The following SEC14L1 variants were observed in gnomAD, a reference collection of about 807,000 sequenced individuals.
SEC14L1 encodes the protein SEC14 like lipid binding 1.
A neutral mutation model predicts 85.3 loss-of-function variants in SEC14L1; 48 were observed. The ratio of observed to expected loss-of-function variants is 0.56; its 90% CI spans 0.45 to 0.72. The LOEUF (loss-of-function observed/expected upper bound fraction) is 0.72. Ranked by LOEUF, SEC14L1 falls within the 30% of genes least tolerant of loss-of-function variation. SEC14L1 has a pLI of 0.00. For missense variants in SEC14L1, 682 were observed against 921.4 expected (o/e 0.74, Z 3.36); for synonymous variants, 391 against 355.5 (o/e 1.10, Z -1.12).
chr17:77,155,521 T>C (rs544693178), intron 3 of SEC14L1, among the ~76,000 whole-genome samples: 21 of 152,276 alleles, frequency 1.4e-4, no homozygotes, highest in Middle Eastern at 3.4e-3. Flanking sequence ...CTGGCAGAGA[T>C]GTCTCCTGGA....
chr17:77,161,487 T>A (rs1465501522), intron 3 of SEC14L1, among the ~76,000 whole-genome samples: 1 of 152,008 alleles, frequency 6.6e-6, no homozygotes, highest in East Asian at 1.9e-4. Flanking sequence ...AATAAAATGA[T>A]ACTCTATCTC....
At chr17:77,093,744 C>T (rs1971572830) in intron 3 of SEC14L1, 1 of 152,210 alleles carries the variant, frequency 6.6e-6, no homozygotes, top group Non-Finnish European at 1.5e-5. Context: ...CTGAAGATGA[C>T]CATGCCTCCC....
At chr17:77,149,669 A>C (rs1973469594) in intron 3 of SEC14L1, among the ~76,000 whole-genome samples, 2 of 152,200 alleles carry the variant, frequency 1.3e-5, no homozygotes. Flanking sequence ...ACTGTACTCC[A>C]GCCTGGGTTA....
At chr17:77,181,378 C>T (rs1186356199) in intron 3 of SEC14L1, among the ~76,000 whole-genome samples, 1 of 152,174 alleles carries the variant, frequency 6.6e-6, no homozygotes, top group Admixed American at 6.5e-5. Context: ...CACCTTCTTT[C>T]TCAGTCTTCT....
intron 3 of SEC14L1, among the ~76,000 whole-genome samples, chr17:77,150,651 G>A (rs1020966409): frequency 2.0e-5 from 3 of 152,196 alleles, no homozygotes; most frequent in East Asian, 1.9e-4. Context: ...CGAAATGCCC[G>A]AGGGAGAACA....
rs1022573578 is a variant in SEC14L1, at chr17:77,214,374, A to G, written c.*351A>G. 3 of 1,025,980 alleles carry G rather than the reference A, an allele frequency of 2.9e-6. No homozygotes were observed. Among genetic ancestry groups the G allele is most frequent in the Non-Finnish European group, 3.5e-6 (3 of 854,294 alleles). 63.6% of individuals were successfully genotyped at this position (1,025,980 alleles called of 1,614,324 possible). A position where few individuals can be genotyped will look rare whatever the true frequency, so the allele number is the denominator to read the frequency against. ...TTTTCCAACGAACTCCGCATTGTCCATTAGTGAATGAATTCCTGTGACATC... is the reference window on the plus strand; with the variant it reads ...TTTTCCAACGAACTCCGCATTGTCCGTTAGTGAATGAATTCCTGTGACATC... On this transcript the variant is annotated 3_prime_UTR_variant, in exon 17 of 17. Coordinates refer to ENST00000436233, the MANE Select transcript of SEC14L1 (RefSeq NM_001143998.2).
chr17:77,168,493 A>G (rs1034003161), intron 3 of SEC14L1, among the ~76,000 whole-genome samples: 2 of 152,208 alleles, frequency 1.3e-5, no homozygotes, highest in East Asian at 1.9e-4. Context: ...TAACAATTGC[A>G]AGAGAGGTTA....
chr17:77,125,431 G>GTT (rs566199942), intron 3 of SEC14L1, among the ~76,000 whole-genome samples: 25 of 146,148 alleles, frequency 1.7e-4, no homozygotes, highest in African/African-American at 3.5e-4. Context: ...GAAGTTGCAG[G>GTT]TTTTTTTTTT....
intron 3 of SEC14L1, among the ~76,000 whole-genome samples, chr17:77,182,146 T>C (rs1457418788): frequency 2.6e-5 from 4 of 152,156 alleles, no homozygotes; most frequent in Non-Finnish European, 4.4e-5. Flanking sequence ...TTGGCTAAAC[T>C]GGGTATGAAC....
At chr17:77,140,545 G>A (rs1567888213), upstream of SEC14L1, among the ~76,000 whole-genome samples, 2 of 152,242 alleles carry the variant, frequency 1.3e-5, no homozygotes, top group South Asian at 2.1e-4. Flanking sequence ...CATACGGGAG[G>A]GCCCCGGTGG....
rs924942749 is a variant in SEC14L1, at chr17:77,141,077, C to G, written c.-166C>G. ...CCGGTATGAGCGCCCCTCGCCACCC[C>G]GTGTCCCAGGCCCGGCCTTTCTGAC... On this transcript the variant is annotated 5_prime_UTR_variant, in exon 1 of 17. Transcript: ENST00000436233. The G allele has an allele frequency of 2.6e-5, 4 of 152,132 alleles. No homozygotes were observed. Among genetic ancestry groups the G allele is most frequent in the African/African-American group, 9.7e-5 (4 of 41,312 alleles). 9.4% of individuals were successfully genotyped at this position (152,132 alleles called of 1,614,324 possible).
At chr17:77,211,823 C>T (rs1002229934) in intron 14 of SEC14L1, 127 bp from the exon 15 acceptor site, 40 of 1,179,436 alleles carry the variant, frequency 3.4e-5, no homozygotes, top group Middle Eastern at 2.9e-4. Flanking sequence ...TCCGTCCATA[C>T]GCATTCAGCG....
In SEC14L1 at chr17:77,216,831, T is replaced by A; in HGVS notation, c.*2808T>A. On this transcript the variant is annotated 3_prime_UTR_variant, in exon 17 of 17. Transcript: ENST00000436233. ...TAAGGGAATTCTGGGGCAGCTATGG[T>A]TTGAGTATGCAGTTTGCATCGTGTT... is the stretch of plus-strand genomic sequence containing the variant. 1.9e-6 allele frequency: 1 copy of A among 527,574 alleles called. No individual in the cohort carries two copies. Among genetic ancestry groups the A allele is most frequent in the Non-Finnish European group, 3.3e-6 (1 of 303,974 alleles). The allele number at this position is 527,574 out of a possible 1,614,324, so 32.7% of individuals were successfully genotyped here.
intron 3 of SEC14L1, among the ~76,000 whole-genome samples, chr17:77,168,922 C>T (rs757218593): frequency 2.7e-5 from 4 of 147,988 alleles, no homozygotes; most frequent in South Asian, 2.2e-4. Flanking sequence ...TATTTGGTTT[C>T]GGGGTTTAAA....
chr17:77,141,494 A>C (rs542862014), intron 1 of SEC14L1: 2 of 151,322 alleles, frequency 1.3e-5, no homozygotes, highest in Admixed American at 6.6e-5. Flanking sequence ...CCTGCTGAGC[A>C]GCCCCGGGCG....
At chr17:77,210,337 AAGCAGG>A (rs1224057227) in intron 14 of SEC14L1, 4 of 152,442 alleles carry the variant, frequency 2.6e-5, no homozygotes, top group Non-Finnish European at 5.9e-5. Context: ...GAGTGACCTG[AAGCAGG>A]AGGGGCCTGC....
Position 77,185,596 on chromosome 17 carries a change from C to T in SEC14L1, c.64-5207C>T, listed in dbSNP as rs569722679. Among the ~76,000 whole-genome samples the T allele has an allele frequency of 1.5e-3, 233 of 152,280 alleles. 1 individual carries two copies. Among genetic ancestry groups the T allele is most frequent in the African/African-American group, 5.3e-3 (222 of 41,552 alleles). ...TACCTCTTAGTAAGTGCTTACTCTG[C>T]CCTATATGTCACTTAAAAAGATTCA... On this transcript the variant is annotated intron_variant, in intron 3 of 16. Transcript: ENST00000436233.
chr17:77,100,424 C>G (rs1466283259), intron 3 of SEC14L1, among the ~76,000 whole-genome samples: 1 of 35,286 alleles, frequency 2.8e-5, no homozygotes, highest in African/African-American at 2.1e-4. Flanking sequence ...TTCTCTCTCT[C>G]TCTCTTTTTT....
chr17:77,149,525 G>A (rs1973461556), intron 3 of SEC14L1, among the ~76,000 whole-genome samples: 2 of 152,080 alleles, frequency 1.3e-5, no homozygotes, highest in East Asian at 3.8e-4. Flanking sequence ...GCAAGATCCT[G>A]TCTCTATAAA....
Sources: allele counts gnomAD v4.1 joint callset (sites outside exome capture counted in the v4.1 genomes callset), GRCh38; gene constraint gnomAD v4.1.1; transcripts MANE v1.5; gene names NCBI Gene and HGNC (gene_info 2026-07-23, HGNC 2026-07-21).